The following KAT6B variants were observed in gnomAD, a reference collection of about 807,000 sequenced individuals.
The protein encoded by KAT6B is histone acetyltransferase KAT6B.
Under a neutral mutation model 187.5 loss-of-function variants are expected in KAT6B, and 10 were observed. The observed-to-expected ratio is 0.05, with a 90% CI of 0.03 to 0.09. The LOEUF (loss-of-function observed/expected upper bound fraction) is 0.09, where lower values mean the gene tolerates loss of function less well. KAT6B is among the 10% of genes least tolerant of loss of function. KAT6B has a pLI of 1.00. For missense variants in KAT6B, 1,952 were observed against 2,558.9 expected (o/e 0.76, Z 5.12); for synonymous variants, 861 against 926.8 (o/e 0.93, Z 1.29).
intron 1 of KAT6B, among the ~76,000 whole-genome samples, chr10:74,837,326 A>G (rs568752144): frequency 1.8e-4 from 27 of 152,352 alleles, no homozygotes; most frequent in Admixed American, 1.4e-3. Flanking sequence ...ATGATTCACA[A>G]CCTTAGAAAA....
At chr10:74,976,927 A>G (rs1842200099) in intron 8 of KAT6B, 1 of 283,544 alleles carries the variant, frequency 3.5e-6, no homozygotes, top group Non-Finnish European at 6.8e-6. Context: ...ACCCTTTATC[A>G]AACAAAAACC....
At chr10:74,890,885 G>A (rs974712301) in intron 3 of KAT6B, among the ~76,000 whole-genome samples, 1 of 151,642 alleles carries the variant, frequency 6.6e-6, no homozygotes, top group Non-Finnish European at 1.5e-5. Context: ...TTTTTTTTTG[G>A]CATATAAATG....
intron 13 of KAT6B, among the ~76,000 whole-genome samples, chr10:75,015,464 A>G (rs746550030): frequency 6.6e-6 from 1 of 152,192 alleles, no homozygotes; most frequent in Admixed American, 6.5e-5. Flanking sequence ...AGGAGATATA[A>G]ATAGCCTGTC....
At chr10:75,017,904 C>A (rs1251844933) in intron 13 of KAT6B, among the ~76,000 whole-genome samples, 1 of 152,072 alleles carries the variant, frequency 6.6e-6, no homozygotes, top group Non-Finnish European at 1.5e-5. Context: ...TTGATGGATT[C>A]TGTTTTCTCT....
chr10:74,892,524 T>G (rs1010649917), intron 3 of KAT6B, among the ~76,000 whole-genome samples: 1 of 152,178 alleles, frequency 6.6e-6, no homozygotes, highest in African/African-American at 2.4e-5. Flanking sequence ...CCACCTTTTG[T>G]GCACATAGCA....
intron 1 of KAT6B, among the ~76,000 whole-genome samples, chr10:74,831,015 C>T (rs1840815438): frequency 6.6e-6 from 1 of 151,490 alleles, no homozygotes; most frequent in Non-Finnish European, 1.5e-5. Context: ...TTTCAAACTC[C>T]TGATCTCAGT....
rs571968501 is a variant in KAT6B, at chr10:74,903,767, G to A, written c.622-56203G>A. On this transcript the variant is annotated intron_variant, in intron 3 of 17. Transcript: ENST00000287239. ...TTTAAGCCACTGTTTGTGGCAGTAA[G>A]ACTAATATAGTCCAGGGTCTGGCTA... is the stretch of plus-strand genomic sequence containing the variant. Among the ~76,000 whole-genome samples, 35 of 152,316 alleles carry A rather than the reference G, an allele frequency of 2.3e-4. No individual in the cohort carries two copies. In the South Asian group the frequency reaches 4.4e-3, roughly 19 times the overall value.
intron 3 of KAT6B, among the ~76,000 whole-genome samples, chr10:74,895,990 A>C (rs1350576311): frequency 6.6e-6 from 1 of 151,546 alleles, no homozygotes; most frequent in Non-Finnish European, 1.5e-5. Context: ...TGGGATATGT[A>C]CCTTTCCCTC....
At chr10:74,979,722 T>G (rs1274648822) in intron 10 of KAT6B, among the ~76,000 whole-genome samples, 1 of 152,208 alleles carries the variant, frequency 6.6e-6, no homozygotes, top group African/African-American at 2.4e-5. Context: ...ATTAGGCCTG[T>G]TACTTTTATC....
At chr10:74,849,717 T>C (rs1255791493) in intron 3 of KAT6B, among the ~76,000 whole-genome samples, 1 of 152,276 alleles carries the variant, frequency 6.6e-6, no homozygotes, top group Non-Finnish European at 1.5e-5. Flanking sequence ...ATGCTGGCAC[T>C]ATTCCAAGTG....
chr10:74,976,463 A>C, intron 8 of KAT6B, 133 bp downstream of exon 8: 1 of 794,686 alleles, frequency 1.3e-6, no homozygotes, highest in South Asian at 1.5e-5. Context: ...CTTCACTTTC[A>C]TACAGAAGCA....
chr10:74,853,356 A>G (rs1045030992), intron 3 of KAT6B, among the ~76,000 whole-genome samples: 22 of 147,430 alleles, frequency 1.5e-4, no homozygotes, highest in South Asian at 2.2e-4. Flanking sequence ...CCGTGTAATC[A>G]TGGTTCACTG....
rs1564630357 is a variant in KAT6B, at chr10:75,028,498, A to G, written c.3674A>G (p.Asn1225Ser). 15 of 1,614,198 alleles carry G rather than the reference A, an allele frequency of 9.3e-6. No individual in the cohort carries two copies. Among genetic ancestry groups the G allele is most frequent in the Non-Finnish European group, 1.2e-5 (14 of 1,180,042 alleles). ...TTGTCTCTTCACTAAGACAATATGAATGATGATTCAAGTAACTTGAAAGAA... is the reference window on the plus strand; with the variant it reads ...TTGTCTCTTCACTAAGACAATATGAGTGATGATTCAAGTAACTTGAAAGAA... The part of the protein sequence containing the change: ...KNADPCRNNM[N>S]DDSSNLKEGS... The change falls in exon 18 of 18, where the codon AAT (asparagine) becomes AGT (serine). Residue 1225 changes from asparagine (N) to serine (S), a missense_variant. Transcript: ENST00000287239.
At chr10:74,867,422 C>T (rs1488581420) in intron 3 of KAT6B, among the ~76,000 whole-genome samples, 1 of 152,108 alleles carries the variant, frequency 6.6e-6, no homozygotes, top group Non-Finnish European at 1.5e-5. Context: ...GTCTGTCTCA[C>T]ATTTTGTTAT....
intron 1 of KAT6B, among the ~76,000 whole-genome samples, chr10:74,838,300 C>T (rs1391441543): frequency 6.6e-6 from 1 of 152,148 alleles, no homozygotes; most frequent in Non-Finnish European, 1.5e-5. Context: ...CAACTTTTGA[C>T]TGTCTTTTTT....
chr10:74,982,330 A>G (rs1238512120), intron 11 of KAT6B: 2 of 237,284 alleles, frequency 8.4e-6, no homozygotes, highest in African/African-American at 2.3e-5. Context: ...TATCTCCTCA[A>G]TACACAACCA....
intron 3 of KAT6B, among the ~76,000 whole-genome samples, chr10:74,926,008 A>G (rs909877857): frequency 4.6e-5 from 7 of 152,248 alleles, no homozygotes; most frequent in Non-Finnish European, 8.8e-5. Context: ...GCCAATATGC[A>G]CAGGAACAGT....
chr10:75,028,553 G>C lies in KAT6B; in HGVS notation c.3729G>C (p.Lys1243Asn), dbSNP rs550048327. The C allele has an allele frequency of 1.5e-4, 247 of 1,614,142 alleles. 4 individuals carry two copies. In the South Asian group the frequency reaches 2.5e-3, roughly 17 times the overall value. ...GTAAAGACAATCCCGAACCTCTAAA[G>C]TGCAAACAAGTGTGGCCAAAAGGAA... ...EGSKDNPEPL[K>N]CKQVWPKGTK... The change falls in exon 18 of 18, where the codon AAG becomes AAC. Residue 1243 changes from lysine (K) to asparagine (N), a missense_variant. Transcript: ENST00000287239.
intron 3 of KAT6B, among the ~76,000 whole-genome samples, chr10:74,876,615 G>T (rs1844430608): frequency 6.6e-6 from 1 of 152,044 alleles, no homozygotes; most frequent in African/African-American, 2.4e-5. Context: ...TCTAATGCTT[G>T]ATAAAAGAAA....
Sources: gnomAD v4.1 joint callset for allele counts (sites outside exome capture counted in the v4.1 genomes callset) on GRCh38, gnomAD v4.1.1 for gene constraint, MANE v1.5 for transcripts, NCBI Gene and HGNC (gene_info 2026-07-23, HGNC 2026-07-21) for gene names.